POMGNT1: variants seen among roughly 807,000 people sequenced by gnomAD.
POMGNT1 encodes the protein protein O-linked-mannose beta-1,2-N-acetylglucosaminyltransferase 1.
Under a neutral mutation model 95.6 loss-of-function variants are expected in POMGNT1, and 67 were observed. That is an observed-to-expected ratio of 0.70 (90% CI 0.58 to 0.86). The LOEUF is 0.86. Ranked by LOEUF, POMGNT1 falls within the 40% of genes least tolerant of loss-of-function variation. The pLI is 0.00. For missense variants in POMGNT1, 719 were observed against 855.2 expected, an observed-to-expected ratio of 0.84 and a Z score of 1.99; for synonymous variants, 298 against 317.9, an observed-to-expected ratio of 0.94 and a Z score of 0.66.
intron 1 of POMGNT1, among the ~76,000 whole-genome samples, chr1:46,206,977 G>A (rs1485496947): frequency 6.6e-6 from 1 of 152,186 alleles, no homozygotes; most frequent in Non-Finnish European, 1.5e-5. Context: ...AGAGTGATGT[G>A]GTTGGGTTTG....
At chr1:46,203,949 C>G (rs1658631250) in intron 1 of POMGNT1, among the ~76,000 whole-genome samples, 1 of 152,048 alleles carries the variant, frequency 6.6e-6, no homozygotes, top group Non-Finnish European at 1.5e-5. Flanking sequence ...CACAAATTCC[C>G]CCCGCCTGTA....
At chr1:46,215,697 G>A (rs1470044098) in intron 1 of POMGNT1, among the ~76,000 whole-genome samples, 1 of 152,146 alleles carries the variant, frequency 6.6e-6, no homozygotes, top group Non-Finnish European at 1.5e-5. Context: ...TCAGGAGTTT[G>A]AGACCAGCCT....
intron 1 of POMGNT1, among the ~76,000 whole-genome samples, chr1:46,207,077 T>C (rs997038468): frequency 6.6e-6 from 1 of 151,186 alleles, no homozygotes; most frequent in African/African-American, 2.4e-5. Flanking sequence ...TCTGGCTGAG[T>C]CCTTCTATTT....
chr1:46,192,188 T>C lies in POMGNT1; in HGVS notation c.1449A>G (p.Glu483=), dbSNP rs1419109306. 1 of 1,614,060 alleles carries C rather than the reference T, an allele frequency of 6.2e-7. No homozygotes were observed. Among genetic ancestry groups the C allele is most frequent in the Non-Finnish European group, 8.5e-7 (1 of 1,180,028 alleles). ...TGATGCACTCTCGGCCCCGGCGTTG[T>C]TCAGGCATCCGCATCCACATGTCCC... ...WDWDMWMRMP[E]QRRGRECIIP... is the part of the protein sequence containing the mutation. Residue 483 remains glutamate (E), a synonymous_variant, in exon 17 of 22, where the codon GAA becomes GAG. Coordinates refer to ENST00000371984, the MANE Select transcript of POMGNT1 (RefSeq NM_017739.4).
intron 2 of POMGNT1, chr1:46,197,420 TC>T: frequency 1.3e-6 from 2 of 1,491,614 alleles, no homozygotes; most frequent in Non-Finnish European, 1.8e-6. Context: ...CAGACCTGGG[TC>T]CTGGCCCTAA....
chr1:46,207,041 T>C (rs1185919208), intron 1 of POMGNT1, among the ~76,000 whole-genome samples: 3 of 152,146 alleles, frequency 2.0e-5, no homozygotes, highest in African/African-American at 7.2e-5. Context: ...TTTCCTCTGC[T>C]TGAAATGCTT....
rs1657944408 is a variant in POMGNT1, at chr1:46,193,350, G to A, written c.1065C>T (p.Gly355=). ...MDVVALFGLR[G]IQHTPISIKN... ...TGATGCTGATGGGAGTATGCTGGAT[G>A]CCCCTCAGACCAAACAGTGCCACCA... is the stretch of plus-strand genomic sequence containing the variant. The change falls in exon 12 of 22, where the codon GGC becomes GGT. Residue 355 remains glycine, a synonymous_variant. Coordinates refer to ENST00000371984, the MANE Select transcript of POMGNT1 (RefSeq NM_017739.4). 1 of 1,613,380 alleles carries A rather than the reference G, an allele frequency of 6.2e-7. No individual in the cohort carries two copies. Among genetic ancestry groups the A allele is most frequent in the Non-Finnish European group, 8.5e-7 (1 of 1,179,722 alleles).
chr1:46,192,259 T>C, intron 16 of POMGNT1, 36 bp from the exon 17 acceptor site: 1 of 1,614,106 alleles, frequency 6.2e-7, no homozygotes, highest in Non-Finnish European at 8.5e-7. Flanking sequence ...GTTAAGATGT[T>C]TCGAGTTGGT....
At chr1:46,207,403 A>C (rs1373427638) in intron 1 of POMGNT1, among the ~76,000 whole-genome samples, 1 of 150,132 alleles carries the variant, frequency 6.7e-6, no homozygotes, top group African/African-American at 2.5e-5. Context: ...CTTAACCTTA[A>C]ATTTTCAGCT....
chr1:46,194,284 C>A lies in POMGNT1; in HGVS notation c.869G>T (p.Ser290Ile), dbSNP rs1658033154. Residue 290 changes from serine (S) to isoleucine (I), a missense_variant, in exon 9 of 22, where the codon AGC becomes ATC. Physicochemically the swap from Ser to Ile is moderately radical, Grantham distance 142 (BLOSUM62 -2). Coordinates refer to ENST00000371984, the MANE Select transcript of POMGNT1 (RefSeq NM_017739.4). ...SCKDPTPIEFSPDPLPDNKVL... is the reference protein window; with the variant it reads ...SCKDPTPIEFIPDPLPDNKVL... The stretch of plus-strand genomic sequence containing the variant: ...TAAGGCCCCACTCACTGGGTCAGGG[C>A]TGAACTCGATGGGTGTGGGGTCCTT... 6.2e-7 allele frequency: 1 copy of A among 1,614,066 alleles called. No homozygotes were observed. Among genetic ancestry groups the A allele is most frequent in the South Asian group, 1.1e-5 (1 of 91,090 alleles).
intron 1 of POMGNT1, among the ~76,000 whole-genome samples, chr1:46,216,818 G>A (rs562888980): frequency 6.6e-6 from 1 of 152,168 alleles, no homozygotes; most frequent in Non-Finnish European, 1.5e-5. Flanking sequence ...ACAGTCCCCA[G>A]TGTCTATCAT....
At chr1:46,194,813 C>T (rs1658092245) in intron 7 of POMGNT1, 31 bp downstream of exon 7, 1 of 1,613,666 alleles carries the variant, frequency 6.2e-7, no homozygotes, top group African/African-American at 1.3e-5. Flanking sequence ...GCTCTTGATA[C>T]TACAGAGTGG....
chr1:46,192,280 A>G (rs753365123), intron 16 of POMGNT1, 28 bp downstream of exon 16: 10 of 1,614,138 alleles, frequency 6.2e-6, no homozygotes, highest in Non-Finnish European at 8.5e-6. Context: ...AGGGGACTCC[A>G]GCCCCCTCAC....
At chr1:46,202,159 G>T (rs1658552047), upstream of POMGNT1, among the ~76,000 whole-genome samples, 1 of 151,238 alleles carries the variant, frequency 6.6e-6, no homozygotes, top group African/African-American at 2.4e-5. Flanking sequence ...GGGCCTAGAG[G>T]TGTGAAAGGG....
upstream of POMGNT1, among the ~76,000 whole-genome samples, chr1:46,202,116 A>G (rs1658550599): frequency 6.6e-6 from 1 of 151,406 alleles, no homozygotes; most frequent in Non-Finnish European, 1.5e-5. Flanking sequence ...AAGAAAAAAA[A>G]AAACTAAAAG....
At chr1:46,206,672 T>C (rs1249856436) in intron 1 of POMGNT1, among the ~76,000 whole-genome samples, 1 of 152,218 alleles carries the variant, frequency 6.6e-6, no homozygotes, top group Non-Finnish European at 1.5e-5. Context: ...GGAATCCCAC[T>C]GCCACAGGAT....
At chr1:46,212,712 G>A (rs1658941160) in intron 1 of POMGNT1, among the ~76,000 whole-genome samples, 1 of 152,102 alleles carries the variant, frequency 6.6e-6, no homozygotes, top group Non-Finnish European at 1.5e-5. Flanking sequence ...GAGTAGCTGG[G>A]ATTACAGGCA....
chr1:46,191,118 G>C (rs1167692033), intron 17 of POMGNT1: 5 of 362,382 alleles, frequency 1.4e-5, no homozygotes, highest in South Asian at 4.5e-5. Context: ...CCCTGCAGGA[G>C]GTGGTGGGCA....
chr1:46,189,289 C>G lies in POMGNT1; in HGVS notation c.1964G>C (p.Gly655Ala), dbSNP rs1311561637. ...GAGGTCTCATGTCTGTTCTGGGGCT[C>G]CTGGGGCTCCCTCCTCCTTTGGGGG... ...EPPPKEEGAP[G>A]APEQT The change falls in exon 22 of 22, where the codon GGA (glycine) becomes GCA (alanine). Residue 655 changes from glycine (G) to alanine (A), a missense_variant. By Grantham distance (60) the Gly-to-Ala change is moderately conservative (BLOSUM62 0). Coordinates refer to ENST00000371984, the MANE Select transcript of POMGNT1 (RefSeq NM_017739.4). 1 of 1,613,696 alleles carries G rather than the reference C, an allele frequency of 6.2e-7. No homozygotes were observed. Among genetic ancestry groups the G allele is most frequent in the Non-Finnish European group, 8.5e-7 (1 of 1,179,882 alleles).
Sources: allele counts gnomAD v4.1 joint callset (sites outside exome capture counted in the v4.1 genomes callset), GRCh38; gene constraint gnomAD v4.1.1; transcripts MANE v1.5; gene names NCBI Gene and HGNC (gene_info 2026-07-23, HGNC 2026-07-21).